Variants in PHF24 observed in about 807,000 individuals in gnomAD.
The protein encoded by PHF24 is Galpha inhibitory interacting protein.
Under a neutral mutation model 42.6 loss-of-function variants are expected in PHF24, and 25 were observed. That is an observed-to-expected ratio of 0.59 (90% CI 0.43 to 0.82). The LOEUF is 0.82. Among genes scored for constraint, PHF24 ranks in the 40% least tolerant of loss-of-function variants. The pLI is 0.00. For synonymous variants in PHF24, 185 were observed against 204.8 expected, an observed-to-expected ratio of 0.90 and a Z score of 0.83; for missense variants, 470 against 538.1, an observed-to-expected ratio of 0.87 and a Z score of 1.25.
chr9:34,680,671 G>A, the PHF24 span, among the ~76,000 whole-genome samples: 2 of 142,784 alleles, frequency 1.4e-5, no homozygotes, highest in Middle Eastern at 6.7e-3. Context: ...CTGGGCGACA[G>A]AGCGAGACTC....
chr9:34,862,268 G>A, the PHF24 span, among the ~76,000 whole-genome samples: 2 of 152,122 alleles, frequency 1.3e-5, no homozygotes, highest in Non-Finnish European at 2.9e-5. Flanking sequence ...TCTGAACTAG[G>A]CTCAGAGCCA....
chr9:34,740,884 C>G, the PHF24 span, among the ~76,000 whole-genome samples: 1 of 151,718 alleles, frequency 6.6e-6, no homozygotes, highest in African/African-American at 2.4e-5. Context: ...CTCTTTCTCT[C>G]TCTCTCTTTT....
chr9:34,825,291 C>G, the PHF24 span, among the ~76,000 whole-genome samples: 1 of 145,418 alleles, frequency 6.9e-6, no homozygotes, highest in African/African-American at 2.4e-5. Context: ...AGAGGACTCT[C>G]TTCCTGACCC....
At chr9:34,720,313 C>T in the PHF24 span, among the ~76,000 whole-genome samples, 37 of 152,160 alleles carry the variant, frequency 2.4e-4, no homozygotes, top group African/African-American at 7.5e-4. Context: ...GGTGCGGTGG[C>T]GGGCGCCTGT....
At chr9:34,738,484 G>C in the PHF24 span, among the ~76,000 whole-genome samples, 6 of 152,218 alleles carry the variant, frequency 3.9e-5, no homozygotes, top group Admixed American at 3.3e-4. Flanking sequence ...CTGAGTAGCT[G>C]GGATTACAGG....
chr9:34,850,977 A>G, the PHF24 span, among the ~76,000 whole-genome samples: 2 of 152,050 alleles, frequency 1.3e-5, no homozygotes, highest in African/African-American at 4.8e-5. Flanking sequence ...TCAGAGGAGT[A>G]CCCGGCCATG....
chr9:34,703,336 T>G, the PHF24 span, among the ~76,000 whole-genome samples: 1 of 152,168 alleles, frequency 6.6e-6, no homozygotes, highest in Non-Finnish European at 1.5e-5. Flanking sequence ...GCCTGGCTAA[T>G]TTCTGTATTT....
chr9:34,856,251 C>T, the PHF24 span, among the ~76,000 whole-genome samples: 1 of 152,132 alleles, frequency 6.6e-6, no homozygotes. Flanking sequence ...CATCATTACC[C>T]ACCTTCTGAA....
chr9:34,976,028 T>A, intron 3 of PHF24, 124 bp from the exon 4 acceptor site: 1 of 703,272 alleles, frequency 1.4e-6, no homozygotes, highest in Admixed American at 2.1e-5. Context: ...TGATTGTGAA[T>A]AGGAGGCTGG....
At chr9:34,973,629 C>A (rs571130077) in intron 3 of PHF24, among the ~76,000 whole-genome samples, 1 of 152,302 alleles carries the variant, frequency 6.6e-6, no homozygotes, top group South Asian at 2.1e-4. Context: ...TAGACGAAAG[C>A]AGAGATGTGC....
At chr9:34,908,842 C>CTTTTTTTTTTTT in the PHF24 span, among the ~76,000 whole-genome samples, 27 of 135,342 alleles carry the variant, frequency 2.0e-4, no homozygotes, top group South Asian at 4.7e-4. Context: ...CTTTTCTTTT[C>CTTTTTTTTTTTT]TTTTTTTTTT....
In PHF24 at chr9:34,977,186, G is replaced by A. The variant is rs749347715; in HGVS notation, c.953G>A (p.Arg318Gln). The A allele has an allele frequency of 2.7e-5, 43 of 1,613,668 alleles. No homozygotes were observed. In the South Asian group the frequency reaches 3.3e-4, roughly 12 times the overall value. ...ACCGTCAGTGAGGCAGAGTGCCGCC[G>A]GGCCCAGCACTCTTGGTTTTGCAAA... Residue 318 changes from arginine (R) to glutamine (Q), a missense_variant, in exon 6 of 8, where the codon CGG becomes CAG. Transcript: ENST00000242315.
At chr9:34,837,015 A>G in the PHF24 span, 1 of 466,724 alleles carries the variant, frequency 2.1e-6, no homozygotes, top group South Asian at 1.6e-5. Flanking sequence ...AAATGAAAAA[A>G]TCACCACAGG....
At chr9:34,971,758 T>G in intron 2 of PHF24, 82 bp downstream of exon 2, 2 of 1,459,390 alleles carry the variant, frequency 1.4e-6, no homozygotes, top group Non-Finnish European at 1.8e-6. Flanking sequence ...GGTAAGGTGA[T>G]CCTCAAAACC....
At chr9:34,977,874 T>G in intron 7 of PHF24, 141 bp from the exon 8 acceptor site, 1 of 783,114 alleles carries the variant, frequency 1.3e-6, no homozygotes, top group South Asian at 1.5e-5. Flanking sequence ...CCCTGAGTTT[T>G]GTGTAGCTCA....
chr9:34,926,823 C>T, the PHF24 span, among the ~76,000 whole-genome samples: 1 of 152,166 alleles, frequency 6.6e-6, no homozygotes, highest in Non-Finnish European at 1.5e-5. This position sits in a 1 kb window ranked among gnomAD's most constrained non-coding sequence, Gnocchi z 4.3. Context: ...TCCTGGCCAG[C>T]CCAGGGCATG....
At chr9:34,925,712 T>C in the PHF24 span, among the ~76,000 whole-genome samples, 3 of 152,190 alleles carry the variant, frequency 2.0e-5, no homozygotes, top group Admixed American at 1.3e-4. Flanking sequence ...ATTGTCTATC[T>C]GTATTTTTCT....
At chr9:34,935,337 G>T in the PHF24 span, among the ~76,000 whole-genome samples, 1 of 152,142 alleles carries the variant, frequency 6.6e-6, no homozygotes, top group Non-Finnish European at 1.5e-5. Context: ...TGTAATCCCA[G>T]CACCCCAGCA....
the PHF24 span, chr9:34,665,719 C>T: frequency 1.4e-5 from 10 of 700,234 alleles, 1 homozygote; most frequent in South Asian, 1.2e-4. Flanking sequence ...TTCCCTAGCC[C>T]CAGGTCCCCT....
Sources: allele counts gnomAD v4.1 joint callset (sites outside exome capture counted in the v4.1 genomes callset), GRCh38; gene constraint gnomAD v4.1.1; non-coding constraint Gnocchi (gnomAD v3.1); transcripts MANE v1.5; gene names NCBI Gene and HGNC (gene_info 2026-07-23, HGNC 2026-07-21).